Variants in PSEN1 observed in about 807,000 individuals in gnomAD.
PSEN1 encodes the protein presenilin-1.
Under a neutral mutation model 53.5 loss-of-function variants are expected in PSEN1, and 15 were observed. The observed-to-expected ratio is 0.28, with a 90% CI of 0.19 to 0.43. The LOEUF (loss-of-function observed/expected upper bound fraction) is 0.43. Among genes scored for constraint, PSEN1 ranks in the 20% least tolerant of loss-of-function variants. PSEN1 has a pLI of 1.00. For synonymous variants in PSEN1, 208 were observed against 209.8 expected (o/e 0.99, Z 0.08); for missense variants, 387 against 571.2 (o/e 0.68, Z 3.29).
At position 73,192,754 on chromosome 14, in the gene PSEN1, G is replaced by T; in HGVS notation, c.659G>T (p.Arg220Leu). The change falls in exon 7 of 12, where the codon CGA becomes CTA. Residue 220 changes from arginine (R) to leucine (L), a missense_variant. By Grantham distance (102) the Arg-to-Leu change is moderately radical. Coordinates refer to ENST00000324501, the MANE Select transcript of PSEN1 (RefSeq NM_000021.4). ...TCCATTCACTGGAAAGGTCCACTTC[G>T]ACTCCAGCAGGCATATCTCATTATG... ...MISIHWKGPL[R>L]LQQAYLIMIS... The T allele has an allele frequency of 6.2e-7, 1 of 1,613,942 alleles. No individual in the cohort carries two copies. Among genetic ancestry groups the T allele is most frequent in the Non-Finnish European group, 8.5e-7 (1 of 1,179,864 alleles).
intron 3 of PSEN1, among the ~76,000 whole-genome samples, chr14:73,160,530 G>GTTCCAAT (rs1207777007): frequency 2.6e-5 from 4 of 152,198 alleles, no homozygotes; most frequent in South Asian, 4.1e-4. Context: ...ATGCATAGTG[G>GTTCCAAT]TTCCAATTTC....
chr14:73,207,555 A>G (rs1055664838), intron 9 of PSEN1, among the ~76,000 whole-genome samples: 3 of 152,234 alleles, frequency 2.0e-5, no homozygotes, highest in African/African-American at 7.2e-5. Flanking sequence ...TCAACCAGGA[A>G]TTCCTATTTG....
Position 73,223,014 on chromosome 14 carries a change from C to T in PSEN1, c.*3725C>T, listed in dbSNP as rs1254354252. The T allele has an allele frequency of 6.6e-6, 1 of 152,196 alleles. No homozygotes were observed. Among genetic ancestry groups the T allele is most frequent in the East Asian group, 1.9e-4 (1 of 5,198 alleles). 9.4% of individuals were successfully genotyped at this position (152,196 alleles called of 1,614,324 possible). ...GCCTAGAAGTGATCCTTGTGATCTT[C>T]TCACCTCTTTAAATTCCCACAACAC... On this transcript the variant is annotated 3_prime_UTR_variant, in exon 12 of 12. Transcript: ENST00000324501.
At chr14:73,173,971 A>C (rs1025916194) in intron 5 of PSEN1, 4 of 602,612 alleles carry the variant, frequency 6.6e-6, no homozygotes, top group Non-Finnish European at 1.2e-5. Context: ...GCAACGTAGC[A>C]AGACCCTGCC....
At chr14:73,172,895 G>C (rs2140041599) in intron 4 of PSEN1, among the ~76,000 whole-genome samples, 1 of 152,222 alleles carries the variant, frequency 6.6e-6, no homozygotes, top group South Asian at 2.1e-4. Context: ...CAGTAGGAAG[G>C]AGTAGGGGAG....
chr14:73,171,947 C>A (rs573869351), intron 4 of PSEN1, among the ~76,000 whole-genome samples: 3 of 152,158 alleles, frequency 2.0e-5, no homozygotes, highest in Non-Finnish European at 4.4e-5. Flanking sequence ...GCAACTTGTC[C>A]TTTCTCACTT....
At chr14:73,206,128 T>C (rs1899443945) in intron 8 of PSEN1, 2 of 475,786 alleles carry the variant, frequency 4.2e-6, no homozygotes, top group South Asian at 4.5e-5. Flanking sequence ...TGGTTCCTTT[T>C]CAGGGACTAA....
intron 3 of PSEN1, among the ~76,000 whole-genome samples, chr14:73,169,792 T>C (rs1036613210): frequency 6.6e-6 from 1 of 152,080 alleles, no homozygotes; most frequent in African/African-American, 2.4e-5. Context: ...ATTACAGGCA[T>C]GTGCCACCAT....
chr14:73,205,352 G>GC (rs1305397848), intron 8 of PSEN1, among the ~76,000 whole-genome samples: 1 of 151,836 alleles, frequency 6.6e-6, no homozygotes, highest in Non-Finnish European at 1.5e-5. Context: ...GGTGGCGGGC[G>GC]CCTGTAGTCC....
intron 8 of PSEN1, among the ~76,000 whole-genome samples, chr14:73,201,278 G>A (rs1425304321): frequency 2.0e-5 from 3 of 152,132 alleles, no homozygotes; most frequent in South Asian, 2.1e-4. Context: ...AGTAGCAACG[G>A]GGTTTCACCA....
intron 3 of PSEN1, among the ~76,000 whole-genome samples, chr14:73,156,631 ATTTG>A (rs1229188663): frequency 1.5e-4 from 23 of 151,346 alleles, no homozygotes; most frequent in Admixed American, 1.3e-3. Context: ...TTCTGACAGT[ATTTG>A]TTTGAACTTT....
At chr14:73,217,915 G>A (rs960404103) in intron 11 of PSEN1, among the ~76,000 whole-genome samples, 26 of 150,380 alleles carry the variant, frequency 1.7e-4, no homozygotes, top group African/African-American at 6.4e-4. Context: ...AGCCTCCCGA[G>A]TAGCTGGGAT....
rs554605830 is a variant in PSEN1 at position 73,143,851 on chromosome 14, A to G, written c.-135-3944A>G. 3.9e-5 allele frequency among the ~76,000 whole-genome samples: 6 copies of G among 152,074 alleles called. No homozygotes were observed. In the South Asian group the frequency reaches 1.0e-3, roughly 26 times the overall value. On this transcript the variant is annotated intron_variant, in intron 1 of 11. Transcript: ENST00000324501. The stretch of plus-strand genomic sequence containing the variant: ...CAGCAAGACCCTTTCTCTAAATAAA[A>G]AACTAGCCACCCATGTAGTCCCACC...
intron 4 of PSEN1, 118 bp downstream of exon 4, chr14:73,171,165 C>CACAGAGGATGGG: frequency 8.0e-7 from 1 of 1,248,786 alleles, no homozygotes; most frequent in Non-Finnish European, 1.1e-6. Flanking sequence ...GAGAGCCCAT[C>CACAGAGGATGGG]CTCTGTGATG....
chr14:73,148,214 C>T, intron 3 of PSEN1, 108 bp downstream of exon 3: 1 of 853,270 alleles, frequency 1.2e-6, no homozygotes, highest in African/African-American at 1.7e-5. Context: ...TCTACTTTAC[C>T]ACATTTATAA....
chr14:73,196,079 A>G (rs923883588), intron 7 of PSEN1, among the ~76,000 whole-genome samples: 13 of 152,150 alleles, frequency 8.5e-5, no homozygotes, highest in African/African-American at 2.9e-4. Context: ...TTTGTACCCA[A>G]TGTTTAGAGT....
chr14:73,188,416 G>A (rs1898595374), intron 6 of PSEN1, among the ~76,000 whole-genome samples: 1 of 152,170 alleles, frequency 6.6e-6, no homozygotes, highest in African/African-American at 2.4e-5. Context: ...TACTCTGGGA[G>A]GCTAAGGTAG....
chr14:73,153,714 CTTTT>C (rs773862128), intron 3 of PSEN1, among the ~76,000 whole-genome samples: 3 of 130,040 alleles, frequency 2.3e-5, no homozygotes, highest in Non-Finnish European at 3.2e-5. Context: ...ATTTTCTTTC[CTTTT>C]TTTTTTTTTT....
chr14:73,193,549 CAAA>C (rs372716222), intron 7 of PSEN1, among the ~76,000 whole-genome samples: 5 of 93,344 alleles, frequency 5.4e-5, no homozygotes, highest in East Asian at 3.1e-4. Context: ...GACTCTGTCT[CAAA>C]AAAAAAAAAA....
Sources: allele counts gnomAD v4.1 joint callset (sites outside exome capture counted in the v4.1 genomes callset), GRCh38; gene constraint gnomAD v4.1.1; transcripts MANE v1.5; gene names NCBI Gene and HGNC (gene_info 2026-07-23, HGNC 2026-07-21).